RERE: variants seen among roughly 807,000 people sequenced by gnomAD.
RERE encodes the protein arginine-glutamic acid dipeptide repeats.
In RERE, 40 loss-of-function variants were observed where a neutral mutation model predicts 146.1. That is an observed-to-expected ratio of 0.27 (90% CI 0.21 to 0.36). The LOEUF is 0.36. RERE is among the 10% of genes least tolerant of loss of function. RERE has a pLI of 1.00. For missense variants in RERE, 1,933 were observed against 2,138.7 expected, an observed-to-expected ratio of 0.90 and a Z score of 1.90; for synonymous variants, 1,003 against 866.0, an observed-to-expected ratio of 1.16 and a Z score of -2.78.
chr1:8,804,192 A>AAT lies in RERE; in HGVS notation c.-145+12966_-145+12967dup, dbSNP rs199574238. ...ATTCCTACAATAATGAATCACATAAAATATATATATGTACACATGGCAGAT... is the reference window on the plus strand; with the variant it reads ...ATTCCTACAATAATGAATCACATAAAATATATATATATGTACACATGGCAGAT... On this transcript the variant is annotated intron_variant, in intron 1 of 22. Transcript: ENST00000400908. Among the ~76,000 whole-genome samples the AAT allele has an allele frequency of 8.7e-3, 1,320 of 152,264 alleles. 19 individuals are homozygous for AAT. Among genetic ancestry groups the AAT allele is most frequent in the African/African-American group, 0.03 (1,246 of 41,530 alleles).
chr1:8,702,703 C>CT (rs1228916006), intron 1 of RERE, among the ~76,000 whole-genome samples: 1 of 152,142 alleles, frequency 6.6e-6, no homozygotes, highest in Admixed American at 6.5e-5. Flanking sequence ...TTCAAAAGCA[C>CT]TTTCCTTTCA....
intron 1 of RERE, among the ~76,000 whole-genome samples, chr1:8,744,753 T>C (rs1158066498): frequency 6.6e-6 from 1 of 152,178 alleles, no homozygotes; most frequent in Admixed American, 6.5e-5. Flanking sequence ...CATTTTGTGG[T>C]AAGAGACAAA....
At chr1:8,702,984 GC>G (rs1457158271) in intron 1 of RERE, 1 of 151,808 alleles carries the variant, frequency 6.6e-6, no homozygotes, top group African/African-American at 2.4e-5. Context: ...CGAGCCCCCC[GC>G]CCGCACTTGT....
intron 4 of RERE, among the ~76,000 whole-genome samples, chr1:8,565,720 A>C (rs1646145322): frequency 6.6e-6 from 1 of 152,180 alleles, no homozygotes; most frequent in Non-Finnish European, 1.5e-5. Flanking sequence ...TCAAAACCAA[A>C]CAAACAAAAA....
At chr1:8,647,160 C>T (rs868320821) in intron 2 of RERE, among the ~76,000 whole-genome samples, 3 of 152,192 alleles carry the variant, frequency 2.0e-5, no homozygotes, top group African/African-American at 7.2e-5. Context: ...GACAACATAC[C>T]TCTGTTGTTT....
chr1:8,414,544 A>G (rs1643709606), intron 12 of RERE, among the ~76,000 whole-genome samples: 1 of 152,122 alleles, frequency 6.6e-6, no homozygotes, highest in South Asian at 2.1e-4. Context: ...CAACAGAGGG[A>G]GATTCCGTCT....
intron 12 of RERE, among the ~76,000 whole-genome samples, chr1:8,372,690 GC>G (rs1241655181): frequency 6.6e-6 from 1 of 152,226 alleles, no homozygotes; most frequent in African/African-American, 2.4e-5. Context: ...AGGACTGCTG[GC>G]CTTACGGCTA....
chr1:8,440,966 AGCAGAGGGTTTTCTTTAGCTCAT>A (rs1644239724), intron 11 of RERE, among the ~76,000 whole-genome samples: 1 of 121,174 alleles, frequency 8.3e-6, no homozygotes, highest in African/African-American at 3.2e-5. Context: ...AACAAGAGCT[AGCAGAGGGTTTTCTTTAGCTCAT>A]GCAGGTTTTT....
intron 12 of RERE, among the ~76,000 whole-genome samples, chr1:8,377,531 C>T (rs777712327): frequency 1.3e-4 from 19 of 151,886 alleles, no homozygotes; most frequent in Admixed American, 3.3e-4. Flanking sequence ...ATTTCACTGC[C>T]GTTGGTTCTA....
chr1:8,763,697 T>G (rs545895272), intron 1 of RERE, among the ~76,000 whole-genome samples: 8 of 151,948 alleles, frequency 5.3e-5, no homozygotes, highest in African/African-American at 1.9e-4. Context: ...TCCCAGCACT[T>G]TGGGAGGCCG....
intron 4 of RERE, among the ~76,000 whole-genome samples, chr1:8,567,005 G>A (rs1351522955): frequency 6.6e-6 from 1 of 152,218 alleles, no homozygotes; most frequent in East Asian, 1.9e-4. Flanking sequence ...TAGCCAGGAT[G>A]GTCTTGATCT....
intron 1 of RERE, among the ~76,000 whole-genome samples, chr1:8,747,284 A>G (rs1382649735): frequency 6.6e-6 from 1 of 152,074 alleles, no homozygotes; most frequent in Non-Finnish European, 1.5e-5. Context: ...TACAGGCATG[A>G]GCCACCGCGC....
intron 1 of RERE, among the ~76,000 whole-genome samples, chr1:8,734,232 T>C (rs183759208): frequency 6.6e-6 from 1 of 152,270 alleles, no homozygotes; most frequent in Non-Finnish European, 1.5e-5. Context: ...AAGGTGAAGA[T>C]CAATTTAAAG....
intron 1 of RERE, among the ~76,000 whole-genome samples, chr1:8,682,621 A>C (rs561838563): frequency 6.6e-6 from 1 of 152,336 alleles, no homozygotes; most frequent in Non-Finnish European, 1.5e-5. Flanking sequence ...CTTCCAATGT[A>C]TAGGTGGTAA....
intron 2 of RERE, among the ~76,000 whole-genome samples, chr1:8,635,547 T>C (rs1420971020): frequency 6.6e-6 from 1 of 152,216 alleles, no homozygotes; most frequent in Non-Finnish European, 1.5e-5. Context: ...TCTAGGCCAA[T>C]ATAACACTTA....
intron 11 of RERE, among the ~76,000 whole-genome samples, chr1:8,458,141 C>A (rs1644476994): frequency 6.6e-6 from 1 of 152,132 alleles, no homozygotes; most frequent in Non-Finnish European, 1.5e-5. Context: ...TGCTAAGAAA[C>A]TGCACAAGAA....
intron 1 of RERE, among the ~76,000 whole-genome samples, chr1:8,690,421 T>A (rs889567163): frequency 6.6e-6 from 1 of 152,158 alleles, no homozygotes; most frequent in African/African-American, 2.4e-5. Flanking sequence ...GGCTTGAACA[T>A]AGGAATTTTG....
intron 1 of RERE, among the ~76,000 whole-genome samples, chr1:8,768,325 T>C (rs1272102266): frequency 6.6e-6 from 1 of 152,260 alleles, no homozygotes; most frequent in Non-Finnish European, 1.5e-5. Flanking sequence ...TCCAGGAAAG[T>C]TGTATAAACC....
At chr1:8,638,774 C>T (rs1235957231) in intron 2 of RERE, among the ~76,000 whole-genome samples, 5 of 139,742 alleles carry the variant, frequency 3.6e-5, no homozygotes, top group South Asian at 2.2e-4. Flanking sequence ...AACTCATAGA[C>T]GAAAAAAAAT....
Sources: allele counts gnomAD v4.1 joint callset (sites outside exome capture counted in the v4.1 genomes callset), GRCh38; gene constraint gnomAD v4.1.1; transcripts MANE v1.5; gene names NCBI Gene and HGNC (gene_info 2026-07-23, HGNC 2026-07-21).